Variants in SETD9 observed in about 807,000 individuals in gnomAD.
The protein encoded by SETD9 is SET domain containing 9.
Under a neutral mutation model 36.4 loss-of-function variants are expected in SETD9, and 37 were observed. That is an observed-to-expected ratio of 1.02 (90% confidence interval 0.78 to 1.34). The LOEUF (loss-of-function observed/expected upper bound fraction) is 1.34. SETD9 is among the 40% of genes most tolerant of loss of function. The pLI, the probability that SETD9 is intolerant of heterozygous loss-of-function variation, is 0.00. For synonymous variants in SETD9, 128 were observed against 132.9 expected (o/e 0.96, Z 0.26); for missense variants, 323 against 353.2 (o/e 0.91, Z 0.69).
chr5:56,927,787 T>C (rs1054386677), downstream of SETD9: 1 of 152,200 alleles, frequency 6.6e-6, no homozygotes, highest in Non-Finnish European at 1.5e-5. Context: ...TTTTGACAAA[T>C]GTGTAATTAC....
At chr5:56,910,206 A>G in intron 1 of SETD9, 2 of 1,265,794 alleles carry the variant, frequency 1.6e-6, no homozygotes, top group Non-Finnish European at 2.1e-6. Context: ...TTTCTCCACC[A>G]GGGGTTAATT....
At chr5:56,910,785 AT>A (rs1749077508) in intron 1 of SETD9, 1 of 180,322 alleles carries the variant, frequency 5.5e-6, no homozygotes, top group Non-Finnish European at 1.2e-5. Flanking sequence ...TTGTGATGAC[AT>A]TCAGCTTGGC....
At chr5:56,926,000 A>G (rs1749958584), downstream of SETD9, among the ~76,000 whole-genome samples, 1 of 152,134 alleles carries the variant, frequency 6.6e-6, no homozygotes, top group Admixed American at 6.6e-5. Flanking sequence ...TGGAGGAAGA[A>G]TGTCTTTTCC....
chr5:56,913,876 C>T lies in SETD9; in HGVS notation c.593C>T (p.Ser198Phe). The T allele has an allele frequency of 6.3e-7, 1 of 1,597,446 alleles. No individual in the cohort carries two copies. The highest frequency in any genetic ancestry group is 8.6e-7 in the Non-Finnish European group (1 of 1,166,382). ...DKGISKVVYR[S>F]CNGRDRLGPL... ...GCTAATGCTTTCACTTGTTTCAGATCTTGCAATGGGAGGGATCGACTCGGC... is the reference window on the plus strand; with the variant it reads ...GCTAATGCTTTCACTTGTTTCAGATTTTGCAATGGGAGGGATCGACTCGGC... Residue 198 changes from serine (S) to phenylalanine (F), a missense_variant and splice_region_variant, in exon 4 of 6, where the codon TCT becomes TTT. Physicochemically the swap from Ser to Phe is radical, Grantham distance 155. Coordinates refer to ENST00000285947, the MANE Select transcript of SETD9 (RefSeq NM_153706.4).
At chr5:56,925,603 AAAGAAGAACT>A (rs557760453), downstream of SETD9, 3 of 199,134 alleles carry the variant, frequency 1.5e-5, no homozygotes, top group African/African-American at 7.1e-5. Context: ...TAAAGAAATC[AAAGAAGAACT>A]TAACGAAGAA....
At chr5:56,910,306 G>C in intron 1 of SETD9, 2 of 1,304,260 alleles carry the variant, frequency 1.5e-6, no homozygotes, top group Non-Finnish European at 2.0e-6. Flanking sequence ...GCCCATCCCG[G>C]CTGTGAGAAT....
chr5:56,917,113 T>C lies in SETD9; in HGVS notation c.*211T>C. On this transcript the variant is annotated 3_prime_UTR_variant, in exon 6 of 6. Coordinates refer to ENST00000285947, the MANE Select transcript of SETD9 (RefSeq NM_153706.4). Reference sequence around the variant, plus strand: ...TTACAATTTCAAATTTGTAATGCAATTCCAAGTTTAATTGGTTTTCACCTA... The same window carrying C: ...TTACAATTTCAAATTTGTAATGCAACTCCAAGTTTAATTGGTTTTCACCTA... 2 of 1,238,912 alleles carry C rather than the reference T, an allele frequency of 1.6e-6. No homozygotes were observed. Among genetic ancestry groups the C allele is most frequent in the Non-Finnish European group, 2.0e-6 (2 of 992,044 alleles). The allele number at this position is 1,238,912 out of a possible 1,614,324, so 76.7% of individuals were successfully genotyped here.
downstream of SETD9, among the ~76,000 whole-genome samples, chr5:56,918,144 A>G (rs1448139986): frequency 6.6e-6 from 1 of 152,156 alleles, no homozygotes; most frequent in Non-Finnish European, 1.5e-5. Context: ...AGTCCTTCAC[A>G]TGCATAACCT....
At position 56,923,227 on chromosome 5, in the gene SETD9, A is replaced by T. The variant is rs112542697; in HGVS notation, c.813-2106A>T. On this transcript the variant is annotated intron_variant, in intron 5 of 5. Transcript: ENST00000628593. Reference sequence around the variant, plus strand: ...GACTGCCAAAGTCAGCCACAGAAACAGCCATTTTGGCACTGGTGATGTGAT... The same window carrying T: ...GACTGCCAAAGTCAGCCACAGAAACTGCCATTTTGGCACTGGTGATGTGAT... 3,494 of 1,614,138 alleles carry T rather than the reference A, an allele frequency of 2.2e-3. 61 individuals are homozygous for T. In the African/African-American group the frequency reaches 0.037, roughly 17 times the overall value.
downstream of SETD9, among the ~76,000 whole-genome samples, chr5:56,918,472 A>G (rs1487370612): frequency 6.6e-6 from 1 of 152,322 alleles, no homozygotes; most frequent in Non-Finnish European, 1.5e-5. Flanking sequence ...ATAGATGGAA[A>G]TTATGGCCAA....
intron 2 of SETD9, chr5:56,912,169 A>G: frequency 1.0e-6 from 1 of 985,250 alleles, no homozygotes; most frequent in Non-Finnish European, 1.2e-6. Context: ...AAAAGAAAAA[A>G]AAAAAGCGTA....
At position 56,912,997 on chromosome 5, in the gene SETD9, T is replaced by G; in HGVS notation, c.467-14T>G. 1.2e-6 allele frequency: 2 copies of G among 1,610,526 alleles called. No homozygotes were observed. Among genetic ancestry groups the G allele is most frequent in the Non-Finnish European group, 8.5e-7 (1 of 1,178,596 alleles). On this transcript the variant is annotated splice_polypyrimidine_tract_variant and intron_variant, in intron 2 of 5. Transcript: ENST00000285947. ...CATGTTGTTATCATATTTCTTTGTCTTGTTGTGTAATAGGTACAGTATATC... is the reference window on the plus strand; with the variant it reads ...CATGTTGTTATCATATTTCTTTGTCGTGTTGTGTAATAGGTACAGTATATC...
intron 3 of SETD9, 21 bp downstream of exon 3, chr5:56,913,155 A>G (rs372379762): frequency 4.7e-4 from 762 of 1,611,952 alleles, no homozygotes; most frequent in Non-Finnish European, 5.9e-4. Flanking sequence ...CCCATGTTCA[A>G]ATTTAATTAT....
chr5:56,910,716 T>C, intron 1 of SETD9: 1 of 190,410 alleles, frequency 5.3e-6, no homozygotes, highest in Admixed American at 5.4e-5. Flanking sequence ...GTTGAATTTG[T>C]CTTTGAAACT....
chr5:56,912,328 CATT>C, intron 2 of SETD9: 1 of 735,292 alleles, frequency 1.4e-6, no homozygotes, highest in Non-Finnish European at 1.7e-6. Flanking sequence ...GTTAAACTAA[CATT>C]ATATTATTTG....
intron 5 of SETD9, chr5:56,923,270 T>A: frequency 6.2e-7 from 1 of 1,614,096 alleles, no homozygotes; most frequent in Non-Finnish European, 8.5e-7. Context: ...ATTTTCAAAG[T>A]CCACACCCAG....
At chr5:56,923,312 T>G in intron 5 of SETD9, 1 of 1,614,228 alleles carries the variant, frequency 6.2e-7, no homozygotes, top group Non-Finnish European at 8.5e-7. Flanking sequence ...CATAAAGGAT[T>G]CAGGGACGGC....
chr5:56,911,926 C>T (rs1353165380), intron 2 of SETD9, among the ~76,000 whole-genome samples: 1 of 151,968 alleles, frequency 6.6e-6, no homozygotes, highest in Non-Finnish European at 1.5e-5. Flanking sequence ...TTTGGGAGGC[C>T]GAGGCGGGCA....
At chr5:56,912,353 A>AGT in intron 2 of SETD9, 3 of 613,944 alleles carry the variant, frequency 4.9e-6, no homozygotes, top group Non-Finnish European at 6.1e-6. Context: ...TATAGTGGAA[A>AGT]GTGTGTGTGT....
Sources: gnomAD v4.1 joint callset for allele counts (sites outside exome capture counted in the v4.1 genomes callset) on GRCh38, gnomAD v4.1.1 for gene constraint, MANE v1.5 for transcripts, NCBI Gene and HGNC (gene_info 2026-07-23, HGNC 2026-07-21) for gene names.